Variants in ANKS1B observed in about 807,000 individuals in gnomAD.
The protein encoded by ANKS1B is ankyrin repeat and sterile alpha motif domain-containing protein 1B.
A neutral mutation model predicts 148.3 loss-of-function variants in ANKS1B; 36 were observed. The ratio of observed to expected loss-of-function variants is 0.24; its 90% CI spans 0.19 to 0.32. ANKS1B has a LOEUF of 0.32. Ranked by LOEUF, ANKS1B falls within the 10% of genes least tolerant of loss-of-function variation. ANKS1B has a pLI of 1.00. For missense variants in ANKS1B, 1,157 were observed against 1,542.6 expected (o/e 0.75, Z 4.19); for synonymous variants, 542 against 560.8 (o/e 0.97, Z 0.47).
At chr12:99,377,190 G>A (rs745992579) in intron 12 of ANKS1B, among the ~76,000 whole-genome samples, 1 of 151,722 alleles carries the variant, frequency 6.6e-6, no homozygotes, top group Non-Finnish European at 1.5e-5. Flanking sequence ...GTATTTTTAG[G>A]AGAGACGGGG....
chr12:99,729,360 A>G (rs967801223), intron 8 of ANKS1B, among the ~76,000 whole-genome samples: 1 of 152,138 alleles, frequency 6.6e-6, no homozygotes, highest in African/African-American at 2.4e-5. Context: ...GTAATGAAGT[A>G]GTTTGTAAGT....
chr12:98,914,679 T>C (rs2099791757), intron 17 of ANKS1B, among the ~76,000 whole-genome samples: 1 of 152,084 alleles, frequency 6.6e-6, no homozygotes, highest in South Asian at 2.1e-4. Context: ...TTTTTCTACA[T>C]CGGGGTGTTT....
At chr12:98,847,696 A>T (rs2099489371) in intron 17 of ANKS1B, among the ~76,000 whole-genome samples, 1 of 152,110 alleles carries the variant, frequency 6.6e-6, no homozygotes, top group African/African-American at 2.4e-5. Context: ...CCCGGGTTCA[A>T]ACGATTCTCC....
At chr12:99,632,860 G>C (rs1375737927) in intron 9 of ANKS1B, among the ~76,000 whole-genome samples, 101 of 146,184 alleles carry the variant, frequency 6.9e-4, no homozygotes, top group Non-Finnish European at 1.2e-3. Flanking sequence ...CCTGCACCCA[G>C]TAACTCGTCA....
chr12:99,628,871 A>G (rs1055849404), intron 9 of ANKS1B, among the ~76,000 whole-genome samples: 1 of 152,134 alleles, frequency 6.6e-6, no homozygotes, highest in Non-Finnish European at 1.5e-5. Flanking sequence ...CTTGTAACCT[A>G]ATCACCTCTT....
chr12:99,739,342 T>G (rs10778011), intron 8 of ANKS1B, among the ~76,000 whole-genome samples: 77,221 of 122,564 alleles, frequency 0.63, 24,077 homozygotes, highest in Non-Finnish European at 0.66. Context: ...GGGTTTTTTT[T>G]GGGGGGGGCG....
chr12:98,862,246 T>A (rs2099602852), intron 17 of ANKS1B, among the ~76,000 whole-genome samples: 1 of 152,156 alleles, frequency 6.6e-6, no homozygotes, highest in Admixed American at 6.5e-5. Context: ...CTAGGGTCAG[T>A]CATCCTGGGT....
intron 9 of ANKS1B, among the ~76,000 whole-genome samples, chr12:99,622,422 A>G (rs2098064794): frequency 6.6e-6 from 1 of 152,052 alleles, no homozygotes; most frequent in African/African-American, 2.4e-5. Context: ...TGAGACCCCA[A>G]AAGTCATAAA....
intron 10 of ANKS1B, among the ~76,000 whole-genome samples, chr12:99,452,594 G>C (rs1595050027): frequency 6.6e-6 from 1 of 152,086 alleles, no homozygotes; most frequent in African/African-American, 2.4e-5. Flanking sequence ...TACCACTTCT[G>C]GGAGAAACAG....
chr12:99,545,519 T>C (rs374456919), intron 9 of ANKS1B, among the ~76,000 whole-genome samples: 2 of 152,090 alleles, frequency 1.3e-5, no homozygotes, highest in East Asian at 1.9e-4. Flanking sequence ...AAAGGGGTTA[T>C]TGGCTATTGA....
intron 17 of ANKS1B, among the ~76,000 whole-genome samples, chr12:98,951,195 T>C (rs1385885417): frequency 1.3e-5 from 2 of 152,210 alleles, no homozygotes; most frequent in Non-Finnish European, 2.9e-5. Context: ...CTTTTTATCC[T>C]GGCCAGTCTT....
chr12:98,874,608 A>T (rs1352703812), intron 17 of ANKS1B, among the ~76,000 whole-genome samples: 1 of 152,212 alleles, frequency 6.6e-6, no homozygotes, highest in Admixed American at 6.5e-5. Context: ...TAAAAAAGGA[A>T]GAATAAGAGT....
chr12:98,885,939 C>T (rs1025994193), intron 17 of ANKS1B, among the ~76,000 whole-genome samples: 1 of 151,844 alleles, frequency 6.6e-6, no homozygotes, highest in Non-Finnish European at 1.5e-5. Flanking sequence ...GGAAAGCTGC[C>T]CAGGCACCAG....
chr12:99,683,938 T>C (rs982623970), intron 8 of ANKS1B, among the ~76,000 whole-genome samples: 4 of 151,998 alleles, frequency 2.6e-5, no homozygotes, highest in African/African-American at 7.3e-5. Context: ...CTCAGTAAAA[T>C]TGGCATAGAA....
intron 11 of ANKS1B, among the ~76,000 whole-genome samples, chr12:99,435,926 A>T (rs150285561): frequency 1.2e-3 from 178 of 152,106 alleles, no homozygotes; most frequent in African/African-American, 4.2e-3. Context: ...TCAAAAATTC[A>T]TATTTGTCAA....
At chr12:99,451,064 T>C (rs1249648703) in intron 10 of ANKS1B, among the ~76,000 whole-genome samples, 1 of 152,194 alleles carries the variant, frequency 6.6e-6, no homozygotes, top group African/African-American at 2.4e-5. Flanking sequence ...CATATGCAGT[T>C]ACAAAATATT....
At chr12:99,083,792 T>C (rs1287476461) in intron 16 of ANKS1B, 1 of 152,122 alleles carries the variant, frequency 6.6e-6, no homozygotes, top group Admixed American at 6.5e-5. Context: ...TTTTATATGG[T>C]TCCTGGGGCC....
intron 12 of ANKS1B, among the ~76,000 whole-genome samples, chr12:99,326,170 A>C (rs963165301): frequency 3.3e-5 from 5 of 152,058 alleles, no homozygotes; most frequent in Non-Finnish European, 7.4e-5. Flanking sequence ...GGGGATTATA[A>C]TTCAAGATGA....
intron 24 of ANKS1B, among the ~76,000 whole-genome samples, chr12:98,780,524 G>A (rs565492759): frequency 3.3e-5 from 5 of 152,276 alleles, no homozygotes; most frequent in African/African-American, 7.2e-5. Flanking sequence ...AAGTCACAGC[G>A]GAGCCACAGC....
Sources: gnomAD v4.1 joint callset for allele counts (sites outside exome capture counted in the v4.1 genomes callset) on GRCh38, gnomAD v4.1.1 for gene constraint, MANE v1.5 for transcripts, NCBI Gene and HGNC (gene_info 2026-07-23, HGNC 2026-07-21) for gene names.